The following LARP4B variants were observed in gnomAD, a reference collection of about 807,000 sequenced individuals.
LARP4B encodes La ribonucleoprotein 4B.
A neutral mutation model predicts 89.8 loss-of-function variants in LARP4B; 12 were observed. The observed-to-expected ratio is 0.13, with a 90% CI of 0.09 to 0.22. The LOEUF (loss-of-function observed/expected upper bound fraction) is 0.22. Among genes scored for constraint, LARP4B ranks in the 10% least tolerant of loss-of-function variants. The probability of loss-of-function intolerance (pLI) is 1.00; values close to 1 mark genes in which losing one functional copy is unlikely to be tolerated. For synonymous variants in LARP4B, 367 were observed against 363.3 expected, an observed-to-expected ratio of 1.01 and a Z score of -0.12; for missense variants, 757 against 947.7, an observed-to-expected ratio of 0.80 and a Z score of 2.64.
At chr10:966,587 CA>C in the LARP4B span, among the ~76,000 whole-genome samples, 8 of 152,262 alleles carry the variant, frequency 5.3e-5, no homozygotes. Flanking sequence ...GAGCTGCAGG[CA>C]AGCACATTTG....
intron 1 of LARP4B, among the ~76,000 whole-genome samples, chr10:930,911 C>T (rs1156842832): frequency 6.6e-6 from 1 of 151,128 alleles, no homozygotes; most frequent in African/African-American, 2.4e-5. Context: ...AGGCTGGCGC[C>T]GCACTGCGGG....
At chr10:958,870 G>C in the LARP4B span, among the ~76,000 whole-genome samples, 3 of 152,248 alleles carry the variant, frequency 2.0e-5, no homozygotes, top group South Asian at 2.1e-4. Flanking sequence ...ACTTATCAGA[G>C]ACTTCAGGTT....
rs192290847 is a variant in LARP4B, at chr10:924,262, C to G, written c.-40+7166G>C. On this transcript the variant is annotated intron_variant, in intron 1 of 17. Transcript: ENST00000316157. Reference sequence around the variant, plus strand: ...AAAAATAAAATATTTTTTAAACATACACGATTATATGTAATACAAATTAAA... The same window carrying G: ...AAAAATAAAATATTTTTTAAACATAGACGATTATATGTAATACAAATTAAA... 2.0e-5 allele frequency: 3 copies of G among 152,220 alleles called. No individual in the cohort carries two copies. In the East Asian group the frequency reaches 5.8e-4, roughly 29 times the overall value. The allele number at this position is 152,220 out of a possible 1,614,324, so 9.4% of individuals were successfully genotyped here. A position where few individuals can be genotyped will look rare whatever the true frequency, so the allele number is the denominator to read the frequency against.
chr10:948,491 A>G, the LARP4B span, among the ~76,000 whole-genome samples: 2 of 152,042 alleles, frequency 1.3e-5, no homozygotes, highest in African/African-American at 4.8e-5. Flanking sequence ...TAGGTGATCC[A>G]CCCACCTGGG....
At chr10:854,210 C>T (rs1430372394) in intron 5 of LARP4B, among the ~76,000 whole-genome samples, 1 of 152,192 alleles carries the variant, frequency 6.6e-6, no homozygotes, top group Non-Finnish European at 1.5e-5. Context: ...ACTACCTCTG[C>T]AGTGACTTTC....
the LARP4B span, among the ~76,000 whole-genome samples, chr10:979,988 G>A: frequency 5.3e-5 from 8 of 152,198 alleles, no homozygotes; most frequent in Non-Finnish European, 2.9e-5. Context: ...AAGACACAGT[G>A]GAGATATAGG....
At chr10:909,880 A>G (rs998746484) in intron 1 of LARP4B, among the ~76,000 whole-genome samples, 2 of 152,070 alleles carry the variant, frequency 1.3e-5, no homozygotes, top group African/African-American at 4.8e-5. Context: ...TAGCAGTACC[A>G]TCTCCATCCT....
At chr10:809,230 A>G (rs1831653074), downstream of LARP4B, 2 of 152,250 alleles carry the variant, frequency 1.3e-5, no homozygotes, top group African/African-American at 4.8e-5. Context: ...ACAGCTTTGG[A>G]GAGAGTGCCA....
intron 1 of LARP4B, among the ~76,000 whole-genome samples, chr10:922,429 T>C (rs111255891): frequency 2.6e-5 from 4 of 152,272 alleles, no homozygotes; most frequent in African/African-American, 9.6e-5. Context: ...CAACTGTCAA[T>C]GGAGCAAGGC....
chr10:822,234 G>C lies in LARP4B; in HGVS notation c.1485-1389C>G, dbSNP rs560981923. On this transcript the variant is annotated intron_variant, in intron 13 of 17. Coordinates refer to ENST00000316157, the MANE Select transcript of LARP4B (RefSeq NM_015155.3). The surrounding 1 kb of genome is among the most constrained non-coding windows in gnomAD (Gnocchi z 4.6). ...AGTGGGACAGGACTCAACTGGCCCT[G>C]GGGACCTGGGAGGGGTGTGAGACGG... 7.2e-5 allele frequency among the ~76,000 whole-genome samples: 11 copies of C among 152,346 alleles called. No individual in the cohort carries two copies. Among genetic ancestry groups the C allele is most frequent in the Admixed American group, 7.2e-4 (11 of 15,302 alleles).
intron 3 of LARP4B, among the ~76,000 whole-genome samples, chr10:865,680 C>G (rs915852815): frequency 7.2e-5 from 11 of 152,210 alleles, no homozygotes; most frequent in Non-Finnish European, 5.9e-5. Context: ...TGATACAAGC[C>G]TTTCTTATGC....
intron 1 of LARP4B, among the ~76,000 whole-genome samples, chr10:906,919 C>T (rs2132005523): frequency 6.6e-6 from 1 of 152,298 alleles, no homozygotes; most frequent in African/African-American, 2.4e-5. Flanking sequence ...CTCCCTTCTT[C>T]CCACCTCCCC....
chr10:988,304 C>T, the LARP4B span: 1 of 620,136 alleles, frequency 1.6e-6, no homozygotes. Context: ...CGTGGCTGAC[C>T]TCCAAGCCGG....
chr10:954,118 C>G, the LARP4B span, among the ~76,000 whole-genome samples: 3 of 152,224 alleles, frequency 2.0e-5, no homozygotes, highest in Non-Finnish European at 4.4e-5. The surrounding 1 kb of genome is among the most constrained non-coding windows in gnomAD (Gnocchi z 5.0). Flanking sequence ...CCGAGGCACG[C>G]AGGCTGGATC....
the LARP4B span, among the ~76,000 whole-genome samples, chr10:947,465 A>G: frequency 6.6e-6 from 1 of 152,186 alleles, no homozygotes; most frequent in African/African-American, 2.4e-5. Flanking sequence ...AGAAAGGACG[A>G]AAGAAGTGAC....
chr10:912,501 C>G (rs1294843884), intron 1 of LARP4B, among the ~76,000 whole-genome samples: 1 of 151,910 alleles, frequency 6.6e-6, no homozygotes, highest in Non-Finnish European at 1.5e-5. Context: ...TCTTTTTCCA[C>G]TCATTAAAGT....
chr10:937,950 T>C, the LARP4B span, among the ~76,000 whole-genome samples: 1 of 152,100 alleles, frequency 6.6e-6, no homozygotes, highest in Admixed American at 6.6e-5. Flanking sequence ...AGTGGCGTGA[T>C]CTCGGCTCAC....
the LARP4B span, among the ~76,000 whole-genome samples, chr10:956,268 A>G: frequency 6.6e-6 from 1 of 152,154 alleles, no homozygotes; most frequent in South Asian, 2.1e-4. The surrounding 1 kb of genome is among the most constrained non-coding windows in gnomAD (Gnocchi z 4.3). Context: ...GGGAGTACGT[A>G]TGAGCCCCTG....
rs1832873629 is a variant in LARP4B, at chr10:830,983, G to A, written c.751-6C>T. The A allele has an allele frequency of 5.9e-6, 6 of 1,013,012 alleles. No individual in the cohort carries two copies. The highest frequency in any genetic ancestry group is 9.1e-6 in the Non-Finnish European group (6 of 661,172). 62.8% of individuals were successfully genotyped at this position (1,013,012 alleles called of 1,614,324 possible). On this transcript the variant is annotated splice_polypyrimidine_tract_variant and splice_region_variant and intron_variant, in intron 8 of 17. Coordinates refer to ENST00000316157, the MANE Select transcript of LARP4B (RefSeq NM_015155.3). ...TTAAATAGTGCTTCTACTTCCTACA[G>A]GAAATAGAGATGTTAGAAATTAATT...
Sources: allele counts gnomAD v4.1 joint callset (sites outside exome capture counted in the v4.1 genomes callset), GRCh38; gene constraint gnomAD v4.1.1; non-coding constraint Gnocchi (gnomAD v3.1); transcripts MANE v1.5; gene names NCBI Gene and HGNC (gene_info 2026-07-23, HGNC 2026-07-21).